Variants in CCDC28B observed in about 807,000 individuals in gnomAD.
CCDC28B encodes coiled-coil domain-containing protein 28B.
In CCDC28B, 17 loss-of-function variants were observed where a neutral mutation model predicts 18.7. That is an observed-to-expected ratio of 0.91 (90% CI 0.62 to 1.36). CCDC28B has a LOEUF of 1.36. CCDC28B is among the 40% of genes most tolerant of loss of function. The pLI is 0.00. For missense variants in CCDC28B, 213 were observed against 251.7 expected, an observed-to-expected ratio of 0.85 and a Z score of 1.04; for synonymous variants, 116 against 105.1, an observed-to-expected ratio of 1.10 and a Z score of -0.64.
At chr1:32,203,440 G>A (rs963714633) in intron 2 of CCDC28B, among the ~76,000 whole-genome samples, 4 of 152,112 alleles carry the variant, frequency 2.6e-5, no homozygotes, top group African/African-American at 7.2e-5. Context: ...CTGGGCAACA[G>A]AGCGAGACTC....
chr1:32,201,028 C>T (rs867062605), intron 1 of CCDC28B, among the ~76,000 whole-genome samples: 1 of 147,038 alleles, frequency 6.8e-6, no homozygotes, highest in Admixed American at 6.8e-5. Context: ...GCGCCACCCA[C>T]CCCCCCAACC....
At chr1:32,203,561 G>A (rs1052219083) in intron 2 of CCDC28B, among the ~76,000 whole-genome samples, 7 of 152,184 alleles carry the variant, frequency 4.6e-5, no homozygotes, top group Admixed American at 1.3e-4. Flanking sequence ...CTGAAGACTA[G>A]GGAGGATAAG....
At chr1:32,198,725 A>G (rs560489961), upstream of CCDC28B, among the ~76,000 whole-genome samples, 1 of 152,284 alleles carries the variant, frequency 6.6e-6, no homozygotes, top group African/African-American at 2.4e-5. Flanking sequence ...TAGTGATTAA[A>G]TGGTACAGCT....
At chr1:32,201,811 C>T in intron 1 of CCDC28B, 102 bp from the exon 2 acceptor site, 1 of 954,058 alleles carries the variant, frequency 1.0e-6, no homozygotes, top group Non-Finnish European at 1.6e-6. Flanking sequence ...AGGTGACAAG[C>T]TGGAAGGTCC....
At chr1:32,204,149 A>G in intron 3 of CCDC28B, 37 bp from the exon 4 acceptor site, 1 of 1,611,880 alleles carries the variant, frequency 6.2e-7, no homozygotes, top group Non-Finnish European at 8.5e-7. Context: ...GGGTTCCAGG[A>G]CTCTTTCCCA....
At chr1:32,198,269 AAG>A (rs1643067591), upstream of CCDC28B, 1 of 152,230 alleles carries the variant, frequency 6.6e-6, no homozygotes, top group African/African-American at 2.4e-5. Flanking sequence ...ACATTAAATA[AAG>A]AGTCTGTTGC....
intron 2 of CCDC28B, chr1:32,202,591 T>C: frequency 3.2e-6 from 1 of 316,324 alleles, no homozygotes; most frequent in Non-Finnish European, 6.2e-6. Context: ...CAATGTATTC[T>C]TTCTCCAGTT....
intron 3 of CCDC28B, 44 bp downstream of exon 3, chr1:32,204,089 G>T (rs1643229044): frequency 6.3e-7 from 1 of 1,586,998 alleles, no homozygotes; most frequent in Admixed American, 1.7e-5. Context: ...GGATAGGGCT[G>T]TAGGGCCCAG....
In CCDC28B at chr1:32,203,869, C is replaced by T; in HGVS notation, c.165-10C>T. ...TACCCTGTGATCATGGTCATGTCCA[C>T]CCCACCCAGAGTAGGCAAAGAGAAG... On this transcript the variant is annotated splice_polypyrimidine_tract_variant and intron_variant, in intron 2 of 5. Coordinates refer to ENST00000373602, the MANE Select transcript of CCDC28B (RefSeq NM_024296.5). The T allele has an allele frequency of 6.7e-7, 1 of 1,498,280 alleles. No individual in the cohort carries two copies. Among genetic ancestry groups the T allele is most frequent in the Non-Finnish European group, 8.9e-7 (1 of 1,124,280 alleles). 92.8% of individuals were successfully genotyped at this position (1,498,280 alleles called of 1,614,324 possible).
chr1:32,204,825 T>A, intron 5 of CCDC28B: 3 of 1,564,576 alleles, frequency 1.9e-6, no homozygotes, highest in Non-Finnish European at 8.7e-7. Flanking sequence ...GGGGATGTTT[T>A]ACTACTGATC....
At chr1:32,200,513 AGT>A (rs1207146953), upstream of CCDC28B, 1 of 152,232 alleles carries the variant, frequency 6.6e-6, no homozygotes, top group Non-Finnish European at 1.5e-5. Context: ...GGTGAGGTCG[AGT>A]GAGAGGAACT....
At chr1:32,199,677 C>T (rs962111302), upstream of CCDC28B, among the ~76,000 whole-genome samples, 2 of 152,192 alleles carry the variant, frequency 1.3e-5, no homozygotes, top group African/African-American at 4.8e-5. Context: ...GCCCATGGCT[C>T]CCCACATCAG....
At chr1:32,198,828 G>A (rs1305009456), upstream of CCDC28B, among the ~76,000 whole-genome samples, 1 of 152,098 alleles carries the variant, frequency 6.6e-6, no homozygotes, top group Admixed American at 6.6e-5. Context: ...CCAGAGGGCA[G>A]GGGGGGCAAC....
upstream of CCDC28B, chr1:32,197,978 C>T (rs1643061364): frequency 1.3e-5 from 2 of 152,538 alleles, no homozygotes. This position sits in a 1 kb window ranked among gnomAD's most constrained non-coding sequence, Gnocchi z 4.6. Context: ...GTGGAGCTGC[C>T]TGGTGTCCAC....
chr1:32,199,706 G>A (rs765779462), upstream of CCDC28B, among the ~76,000 whole-genome samples: 1 of 152,216 alleles, frequency 6.6e-6, no homozygotes, highest in Non-Finnish European at 1.5e-5. Flanking sequence ...CCCAACCCCA[G>A]GAAGCCACTC....
chr1:32,203,939 GC>G lies in CCDC28B; in HGVS notation c.229del (p.Leu77CysfsTer6). 6.4e-7 allele frequency: 1 copy of G among 1,564,282 alleles called. No individual in the cohort carries two copies. The highest frequency in any genetic ancestry group is 8.7e-7 in the Non-Finnish European group (1 of 1,155,782). ...AGGGSGSAGT[P>X]LQHSFLTEVT... Reference sequence around the variant, plus strand: ...GAGGTGGAAGCGGCTCTGCAGGCACGCCCCTGCAGCACTCCTTCCTGACCGA... The same window carrying G: ...GAGGTGGAAGCGGCTCTGCAGGCACGCCCTGCAGCACTCCTTCCTGACCGA... On this transcript the variant is annotated frameshift_variant, in exon 3 of 6. Coordinates refer to ENST00000373602, the MANE Select transcript of CCDC28B (RefSeq NM_024296.5). LOFTEE classifies it high-confidence loss of function.
intron 5 of CCDC28B, chr1:32,204,974 G>A: frequency 7.8e-7 from 1 of 1,278,404 alleles, no homozygotes; most frequent in Non-Finnish European, 1.1e-6. Context: ...AACAGCGCGA[G>A]TGCGCGCGCA....
At position 32,202,063 on chromosome 1, in the gene CCDC28B, A is replaced by G. The variant is rs1173622609; in HGVS notation, c.128A>G (p.His43Arg). The G allele has an allele frequency of 6.2e-7, 1 of 1,613,506 alleles. No individual in the cohort carries two copies. Among genetic ancestry groups the G allele is most frequent in the East Asian group, 2.2e-5 (1 of 44,880 alleles). The change falls in exon 2 of 6, where the codon CAT becomes CGT. Residue 43 changes from histidine to arginine, a missense_variant. Transcript: ENST00000373602. ...HSGSLALGLP[H>R]LPSPKQRAKF... Reference sequence around the variant, plus strand: ...GGCTCCTTGGCCCTAGGACTTCCTCATCTGCCATCCCCCAAGCAGCGGGCC... The same window carrying G: ...GGCTCCTTGGCCCTAGGACTTCCTCGTCTGCCATCCCCCAAGCAGCGGGCC...
chr1:32,205,324 T>C lies in CCDC28B; in HGVS notation c.*76T>C. 12 of 1,444,038 alleles carry C rather than the reference T, an allele frequency of 8.3e-6. No individual in the cohort carries two copies. The highest frequency in any genetic ancestry group is 1.1e-5 in the Non-Finnish European group (12 of 1,069,794). 89.5% of individuals were successfully genotyped at this position (1,444,038 alleles called of 1,614,324 possible). ...TTTTTACAGACTCGGGCGGGTGTTC[T>C]GCGGCCCCCCAGGTGCTATGGGGGA... is the stretch of plus-strand genomic sequence containing the variant. On this transcript the variant is annotated 3_prime_UTR_variant, in exon 6 of 6. Transcript: ENST00000373602. The surrounding 1 kb of genome is among the most constrained non-coding windows in gnomAD (Gnocchi z 5.6).
Sources: allele counts gnomAD v4.1 joint callset (sites outside exome capture counted in the v4.1 genomes callset), GRCh38; gene constraint gnomAD v4.1.1; non-coding constraint Gnocchi (gnomAD v3.1); transcripts MANE v1.5; gene names NCBI Gene and HGNC (gene_info 2026-07-23, HGNC 2026-07-21).